The following BTD variants were observed in gnomAD, a reference collection of about 807,000 sequenced individuals.
BTD encodes biotinidase.
A neutral mutation model predicts 17.7 loss-of-function variants in BTD; 13 were observed. The ratio of observed to expected loss-of-function variants is 0.74; its 90% CI spans 0.48 to 1.17. The LOEUF is 1.17. Ranked by LOEUF, BTD falls within the 50% of genes most tolerant of loss-of-function variation. The probability of loss-of-function intolerance (pLI) is 0.00; values close to 1 mark genes in which losing one functional copy is unlikely to be tolerated. For synonymous variants in BTD, 240 were observed against 245.2 expected, an observed-to-expected ratio of 0.98 and a Z score of 0.20; for missense variants, 674 against 650.4, an observed-to-expected ratio of 1.04 and a Z score of -0.39.
intron 3 of BTD, among the ~76,000 whole-genome samples, chr3:15,698,511 C>G (rs1482934827): frequency 2.6e-5 from 4 of 152,198 alleles, no homozygotes; most frequent in Non-Finnish European, 5.9e-5. Context: ...AGCTCAAAAT[C>G]TCCTTAAGCT....
rs1218126165 is a variant in BTD, at chr3:15,648,732, T to C, written c.*3244T>C. Among the ~76,000 whole-genome samples the C allele has an allele frequency of 6.6e-6, 1 of 152,142 alleles. No homozygotes were observed. The highest frequency in any genetic ancestry group is 2.4e-5 in the African/African-American group (1 of 41,434). On this transcript the variant is annotated 3_prime_UTR_variant, in exon 4 of 4. Coordinates refer to ENST00000643237, the MANE Select transcript of BTD (RefSeq NM_001370658.1). ...CTCAGAATGTGGCCTTATTTGGAAA[T>C]AGGGTCTTTGCAGATGCAATGAAGA... is the stretch of plus-strand genomic sequence containing the variant.
intron 1 of BTD, among the ~76,000 whole-genome samples, chr3:15,605,516 TCA>T (rs1491486345): frequency 6.6e-6 from 1 of 152,198 alleles, no homozygotes; most frequent in Non-Finnish European, 1.5e-5. Flanking sequence ...CTTTCAAGTC[TCA>T]GAGTGTATCT....
chr3:15,711,323 T>C (rs2455833), exon 4 of BTD: 809,193 of 1,432,500 alleles, frequency 0.56, 238,150 homozygotes, highest in Admixed American at 0.62. Flanking sequence ...TATTTTACAC[T>C]AAAGAATTGT....
At chr3:15,656,725 C>G (rs1453787903), downstream of BTD, among the ~76,000 whole-genome samples, 1 of 152,162 alleles carries the variant, frequency 6.6e-6, no homozygotes, top group Non-Finnish European at 1.5e-5. Flanking sequence ...CTAGCCACCC[C>G]CTCCCAACTC....
chr3:15,601,652 G>C (rs1356224976), upstream of BTD: 1 of 1,553,362 alleles, frequency 6.4e-7, no homozygotes, highest in Non-Finnish European at 8.7e-7. Context: ...GGAGAGGTGA[G>C]AATGTAAACA....
At chr3:15,713,279 T>C (rs935171015), downstream of BTD, among the ~76,000 whole-genome samples, 2 of 152,180 alleles carry the variant, frequency 1.3e-5, no homozygotes, top group Non-Finnish European at 2.9e-5. Flanking sequence ...ACAGCTCTGA[T>C]CAAAACTGCG....
At position 15,616,124 on chromosome 3, in the gene BTD, T is replaced by C. The variant is rs553183849; in HGVS notation, c.-17+14230T>C. ...CTGCTATAAACACTCCTGTGCAGTT[T>C]TTTTGGAGACATAAGTTTTCTACTC... On this transcript the variant is annotated intron_variant, in intron 1 of 3. Transcript: ENST00000643237. Among the ~76,000 whole-genome samples the C allele has an allele frequency of 6.6e-5, 10 of 152,328 alleles. No homozygotes were observed. The South Asian group carries it at 2.1e-3, about 32-fold the overall frequency.
intron 3 of BTD, chr3:15,676,976 T>G: frequency 6.2e-7 from 1 of 1,612,398 alleles, no homozygotes; most frequent in Non-Finnish European, 8.5e-7. Flanking sequence ...GTACTCACGT[T>G]TGCAAGGCTG....
At position 15,645,296 on chromosome 3, in the gene BTD, G is replaced by A. The variant is rs1273112099; in HGVS notation, c.1380G>A (p.Gly460=). The change falls in exon 4 of 4, where the codon GGG becomes GGA. Residue 460 remains glycine, a synonymous_variant. Transcript: ENST00000643237. The part of the protein sequence containing the change: ...TCGQEITEAT[G]IFEFHLWGNF... ...GACAGGAAATCACAGAGGCCACGGG[G>A]ATATTTGAGTTTCACCTGTGGGGCA... is the stretch of plus-strand genomic sequence containing the variant. 3.7e-6 allele frequency: 6 copies of A among 1,614,070 alleles called. No homozygotes were observed. Among genetic ancestry groups the A allele is most frequent in the Admixed American group, 3.3e-5 (2 of 60,010 alleles).
At chr3:15,712,809 G>C (rs1292692967), downstream of BTD, among the ~76,000 whole-genome samples, 3 of 152,056 alleles carry the variant, frequency 2.0e-5, no homozygotes, top group Non-Finnish European at 4.4e-5. Flanking sequence ...TGTGAAAGAA[G>C]GCCTAAATTT....
intron 3 of BTD, among the ~76,000 whole-genome samples, chr3:15,675,388 G>A (rs2066830142): frequency 6.6e-6 from 1 of 152,148 alleles, no homozygotes; most frequent in Non-Finnish European, 1.5e-5. Context: ...TAGCTGGCAG[G>A]AGCAGTGAGA....
intron 3 of BTD, among the ~76,000 whole-genome samples, chr3:15,709,486 A>G (rs918851258): frequency 2.0e-5 from 3 of 152,190 alleles, no homozygotes; most frequent in Admixed American, 2.0e-4. Flanking sequence ...TAGGGACTCA[A>G]GAAGAAAACT....
At chr3:15,720,422 T>A (rs917436026) in intron 4 of BTD, among the ~76,000 whole-genome samples, 1 of 152,194 alleles carries the variant, frequency 6.6e-6, no homozygotes, top group Non-Finnish European at 1.5e-5. Context: ...CTTTTTAAAA[T>A]TAGATACAGA....
At position 15,652,675 on chromosome 3, in the gene BTD, CA is replaced by C. The variant is rs1229782514; in HGVS notation, c.*7189del. Reference sequence around the variant, plus strand: ...GGTTTTGAGGTAATTTATTATACAGCAATAGAAAACTAATACAATAGTCTTG... The same window carrying C: ...GGTTTTGAGGTAATTTATTATACAGCATAGAAAACTAATACAATAGTCTTG... On this transcript the variant is annotated 3_prime_UTR_variant, in exon 4 of 4. Transcript: ENST00000643237. Among the ~76,000 whole-genome samples, 6 of 152,204 alleles carry C rather than the reference CA, an allele frequency of 3.9e-5. No individual in the cohort carries two copies. Among genetic ancestry groups the C allele is most frequent in the Non-Finnish European group, 8.8e-5 (6 of 68,046 alleles).
In BTD at chr3:15,678,257, T is replaced by C. The variant is rs745460320; in HGVS notation, c.400-31803T>C. The C allele has an allele frequency of 9.9e-6, 16 of 1,612,878 alleles. No individual in the cohort carries two copies. Among genetic ancestry groups the C allele is most frequent in the Non-Finnish European group, 1.4e-5 (16 of 1,179,710 alleles). Reference sequence around the variant, plus strand: ...TCTGCAGCCATCATAAGAGGTGTTTTCCCTGTAGAGTCCACAGAATTGACT... The same window carrying C: ...TCTGCAGCCATCATAAGAGGTGTTTCCCCTGTAGAGTCCACAGAATTGACT... On this transcript the variant is annotated intron_variant, in intron 3 of 3. Transcript: ENST00000672141.
chr3:15,616,953 C>T (rs373807128), intron 1 of BTD, among the ~76,000 whole-genome samples: 6 of 152,270 alleles, frequency 3.9e-5, no homozygotes, highest in African/African-American at 1.4e-4. Context: ...CTGCCTCAGC[C>T]TCCCGAGTAG....
At chr3:15,692,154 A>AT in intron 3 of BTD, among the ~76,000 whole-genome samples, 1 of 151,172 alleles carries the variant, frequency 6.6e-6, no homozygotes, top group Non-Finnish European at 1.5e-5. Flanking sequence ...TAAAAAAAAA[A>AT]AAAAAAAAAA....
In BTD at chr3:15,694,491, G is replaced by C. The variant is rs533327736; in HGVS notation, c.400-15569G>C. Among the ~76,000 whole-genome samples, 9 of 151,710 alleles carry C rather than the reference G, an allele frequency of 5.9e-5. No individual in the cohort carries two copies. The South Asian group carries it at 1.9e-3, about 32-fold the overall frequency. On this transcript the variant is annotated intron_variant, in intron 3 of 3. Transcript: ENST00000672141. The stretch of plus-strand genomic sequence containing the variant: ...CCCTTTCTCTCCCCAGAAGGCCCTG[G>C]GGGAAGCCTAAGGATCACTGTCTGT...
rs1217256315 is a variant in BTD, at chr3:15,690,262, A to T, written c.400-19798A>T. The T allele has an allele frequency of 3.4e-6, 5 of 1,450,564 alleles. No homozygotes were observed. The South Asian group carries it at 5.2e-5, about 15-fold the overall frequency. The allele number at this position is 1,450,564 out of a possible 1,614,324, so 89.9% of individuals were successfully genotyped here. A position where few individuals can be genotyped will look rare whatever the true frequency, so the allele number is the denominator to read the frequency against. The stretch of plus-strand genomic sequence containing the variant: ...ATGTAAATTTAAAACATACATATTT[A>T]GACTGACTTCCTAAATACTTGAATA... On this transcript the variant is annotated intron_variant, in intron 3 of 3. Transcript: ENST00000672141.
Sources: allele counts gnomAD v4.1 joint callset (sites outside exome capture counted in the v4.1 genomes callset), GRCh38; gene constraint gnomAD v4.1.1; transcripts MANE v1.5; gene names NCBI Gene and HGNC (gene_info 2026-07-23, HGNC 2026-07-21).